Variants in PIWIL2 observed in about 807,000 individuals in gnomAD.
The protein encoded by PIWIL2 is piwi-like protein 2.
A neutral mutation model predicts 116.5 loss-of-function variants in PIWIL2; 81 were observed. The observed-to-expected ratio is 0.70, with a 90% CI of 0.58 to 0.84. The LOEUF (loss-of-function observed/expected upper bound fraction) is 0.84, where lower values mean the gene tolerates loss of function less well. Ranked by LOEUF, PIWIL2 falls within the 40% of genes least tolerant of loss-of-function variation. PIWIL2 has a pLI of 0.00. For synonymous variants in PIWIL2, 489 were observed against 429.5 expected, an observed-to-expected ratio of 1.14 and a Z score of -1.71; for missense variants, 1,272 against 1,212.3, an observed-to-expected ratio of 1.05 and a Z score of -0.73.
chr8:22,304,939 C>A, intron 12 of PIWIL2, 71 bp downstream of exon 12: 1 of 1,046,020 alleles, frequency 9.6e-7, no homozygotes, highest in Non-Finnish European at 1.5e-6. Flanking sequence ...TAGCCGTCCT[C>A]ATGGCTTTGT....
At chr8:22,302,004 A>G (rs1563371735) in intron 10 of PIWIL2, among the ~76,000 whole-genome samples, 1 of 151,816 alleles carries the variant, frequency 6.6e-6, no homozygotes, top group African/African-American at 2.4e-5. Context: ...ACAGTCCCTG[A>G]TTTTTTTATT....
intron 19 of PIWIL2, 29 bp downstream of exon 19, chr8:22,316,362 T>A: frequency 7.4e-7 from 1 of 1,356,276 alleles, no homozygotes; most frequent in Non-Finnish European, 1.1e-6. Context: ...GCCATCTTGT[T>A]TGATTATTTC....
At position 22,283,188 on chromosome 8, in the gene PIWIL2, C is replaced by T; in HGVS notation, c.580C>T (p.Pro194Ser). 1 of 1,614,092 alleles carries T rather than the reference C, an allele frequency of 6.2e-7. No individual in the cohort carries two copies. Among genetic ancestry groups the T allele is most frequent in the South Asian group, 1.1e-5 (1 of 91,066 alleles). Residue 194 changes from proline (P) to serine (S), a missense_variant, in exon 5 of 23, where the codon CCC becomes TCC. Transcript: ENST00000356766. The stretch of plus-strand genomic sequence containing the variant: ...ATCACCACCAGCTCTGCCCCAGTCT[C>T]CCCTGCACTCTCCAGATCGCCCTCT... ...LSSPPALPQS[P>S]LHSPDRPLVL...
At chr8:22,316,989 A>G (rs1236997194) in intron 19 of PIWIL2, among the ~76,000 whole-genome samples, 2 of 152,106 alleles carry the variant, frequency 1.3e-5, no homozygotes, top group Non-Finnish European at 2.9e-5. Context: ...CATGTTGCCC[A>G]GGCTGGTCTC....
intron 10 of PIWIL2, among the ~76,000 whole-genome samples, chr8:22,297,218 G>A (rs1394522686): frequency 6.6e-6 from 1 of 152,068 alleles, no homozygotes; most frequent in Non-Finnish European, 1.5e-5. Context: ...TCGAACTCCT[G>A]GGCTCAAGTG....
At chr8:22,288,174 T>G (rs1358448824) in intron 7 of PIWIL2, among the ~76,000 whole-genome samples, 1 of 151,970 alleles carries the variant, frequency 6.6e-6, no homozygotes, top group Non-Finnish European at 1.5e-5. Context: ...GGCAGGCGCC[T>G]GTAGTCCCAG....
In PIWIL2 at chr8:22,290,314, G is replaced by A. The variant is rs114988269; in HGVS notation, c.1149G>A (p.Lys383=). Residue 383 remains lysine (K), a synonymous_variant, in exon 10 of 23, where the codon AAG becomes AAA. Coordinates refer to ENST00000356766, the MANE Select transcript of PIWIL2 (RefSeq NM_018068.5). ...GLFLLADVSH[K]VIRNDCVLDV... is the part of the protein sequence containing the mutation. The stretch of plus-strand genomic sequence containing the variant: ...TCCTGCTAGCTGATGTCTCCCATAA[G>A]GTCATTCGGAATGACTGTGTGCTGG... The A allele has an allele frequency of 7.9e-4, 1,274 of 1,610,406 alleles. 9 individuals carry two copies. The African/African-American group carries it at 0.016, about 20-fold the overall frequency.
At chr8:22,284,113 G>GA in intron 5 of PIWIL2, 49 bp from the exon 6 acceptor site, 1 of 972,016 alleles carries the variant, frequency 1.0e-6, no homozygotes. Flanking sequence ...TAGTTATTTT[G>GA]TTTTTTTGTT....
intron 12 of PIWIL2, among the ~76,000 whole-genome samples, chr8:22,305,159 A>G (rs572899940): frequency 7.1e-6 from 1 of 141,034 alleles, no homozygotes; most frequent in African/African-American, 2.5e-5. Flanking sequence ...CCATGAGGAA[A>G]GGTATAGATA....
chr8:22,295,594 T>C (rs1483594267), intron 10 of PIWIL2, among the ~76,000 whole-genome samples: 2 of 152,276 alleles, frequency 1.3e-5, no homozygotes, highest in East Asian at 1.9e-4. Flanking sequence ...GTGTAGCTGC[T>C]CAGCCCCGAG....
chr8:22,353,903 G>A (rs1275850721), intron 21 of PIWIL2, among the ~76,000 whole-genome samples: 1 of 150,806 alleles, frequency 6.6e-6, no homozygotes, highest in Admixed American at 6.7e-5. Context: ...AGCCTCCTGA[G>A]TAGCTGGGAC....
At position 22,304,791 on chromosome 8, in the gene PIWIL2, T is replaced by C. The variant is rs370764248; in HGVS notation, c.1378T>C (p.Tyr460His). Residue 460 changes from tyrosine to histidine, a missense_variant, in exon 12 of 23, where the codon TAT becomes CAT. Coordinates refer to ENST00000356766, the MANE Select transcript of PIWIL2 (RefSeq NM_018068.5). ...ITFLEYYSKN[Y>H]GITVKEEDQP... The stretch of plus-strand genomic sequence containing the variant: ...GCCTCTACTCTGCTCTAGCAAAAAT[T>C]ATGGGATCACAGTTAAGGAAGAGGA... 1.9e-5 allele frequency: 31 copies of C among 1,612,202 alleles called. No individual in the cohort carries two copies. The highest frequency in any genetic ancestry group is 4.0e-5 in the African/African-American group (3 of 74,874).
chr8:22,324,437 C>T (rs756390086), intron 20 of PIWIL2, among the ~76,000 whole-genome samples: 6 of 152,068 alleles, frequency 3.9e-5, no homozygotes, highest in Non-Finnish European at 5.9e-5. Context: ...GCCTAGCAAA[C>T]GTCTCCCACT....
In PIWIL2 at chr8:22,355,788, T is replaced by C. The variant is rs137881849; in HGVS notation, c.*283T>C. ...GTGACTCTGGGGGACCATTAAGACC[T>C]CCAGACCGGGTGCGGTGGTTCACAC... On this transcript the variant is annotated 3_prime_UTR_variant, in exon 23 of 23. Transcript: ENST00000356766. 2 of 386,992 alleles carry C rather than the reference T, an allele frequency of 5.2e-6. No individual in the cohort carries two copies. Among genetic ancestry groups the C allele is most frequent in the Non-Finnish European group, 9.6e-6 (2 of 207,312 alleles). 24.0% of individuals were successfully genotyped at this position (386,992 alleles called of 1,614,324 possible).
At chr8:22,308,333 A>G (rs972467966) in intron 14 of PIWIL2, among the ~76,000 whole-genome samples, 8 of 152,032 alleles carry the variant, frequency 5.3e-5, no homozygotes, top group African/African-American at 1.9e-4. Context: ...TTACATTCAA[A>G]TTGAATTTAG....
intron 10 of PIWIL2, among the ~76,000 whole-genome samples, chr8:22,291,005 A>G (rs117543705): frequency 0.025 from 3,402 of 138,242 alleles, 166 homozygotes; most frequent in East Asian, 0.046. Context: ...GTCTCACTCT[A>G]TCACCCAGGC....
At position 22,356,703 on chromosome 8, in the gene PIWIL2, TG is replaced by T. The variant is rs1045556336; in HGVS notation, c.*1200del. On this transcript the variant is annotated 3_prime_UTR_variant, in exon 23 of 23. Transcript: ENST00000356766. Reference sequence around the variant, plus strand: ...TGCAAAATAACCGCTTCCTGGCTGTTGGCTCACTTTGCTGGAATTTTTCTGA... The same window carrying T: ...TGCAAAATAACCGCTTCCTGGCTGTTGCTCACTTTGCTGGAATTTTTCTGA... 5 of 152,206 alleles carry T rather than the reference TG, an allele frequency of 3.3e-5. No homozygotes were observed. Among genetic ancestry groups the T allele is most frequent in the African/African-American group, 1.2e-4 (5 of 41,458 alleles). 9.4% of individuals were successfully genotyped at this position (152,206 alleles called of 1,614,324 possible). A position where few individuals can be genotyped will look rare whatever the true frequency, so the allele number is the denominator to read the frequency against.
chr8:22,325,638 C>G (rs1264791509), intron 20 of PIWIL2, among the ~76,000 whole-genome samples: 1 of 151,910 alleles, frequency 6.6e-6, no homozygotes, highest in Admixed American at 6.6e-5. Flanking sequence ...CGTGCGCCAC[C>G]ACACCCAGCT....
intron 6 of PIWIL2, among the ~76,000 whole-genome samples, chr8:22,285,070 C>T (rs950765719): frequency 1.3e-5 from 2 of 152,150 alleles, no homozygotes; most frequent in African/African-American, 4.8e-5. Flanking sequence ...ACCTCACCTA[C>T]TTACTGTTTT....
Sources: gnomAD v4.1 joint callset for allele counts (sites outside exome capture counted in the v4.1 genomes callset) on GRCh38, gnomAD v4.1.1 for gene constraint, MANE v1.5 for transcripts, NCBI Gene and HGNC (gene_info 2026-07-23, HGNC 2026-07-21) for gene names.